Variants in FSHR observed in about 807,000 individuals in gnomAD.
The protein encoded by FSHR is follicle-stimulating hormone receptor.
Under a neutral mutation model 52.1 loss-of-function variants are expected in FSHR, and 46 were observed. The observed-to-expected ratio is 0.88, with a 90% CI of 0.70 to 1.13. The LOEUF is 1.13. Ranked by LOEUF, FSHR falls within the 50% of genes most tolerant of loss-of-function variation. The probability of loss-of-function intolerance (pLI) is 0.00; values close to 1 mark genes in which losing one functional copy is unlikely to be tolerated. For synonymous variants in FSHR, 399 were observed against 309.6 expected (o/e 1.29, Z -3.03); for missense variants, 964 against 834.6 (o/e 1.16, Z -1.91).
intron 9 of FSHR, among the ~76,000 whole-genome samples, chr2:48,967,784 G>A (rs1573018127): frequency 2.0e-5 from 3 of 152,294 alleles, no homozygotes; most frequent in African/African-American, 7.2e-5. Context: ...ACTGGTCAAT[G>A]TATGTTAAAG....
intron 1 of FSHR, among the ~76,000 whole-genome samples, chr2:49,134,367 A>G (rs1435921879): frequency 6.6e-6 from 1 of 152,252 alleles, no homozygotes; most frequent in Non-Finnish European, 1.5e-5. Flanking sequence ...ACAATGAGAT[A>G]CCATCTCACA....
intron 2 of FSHR, among the ~76,000 whole-genome samples, chr2:49,048,751 T>C (rs562744617): frequency 6.6e-6 from 1 of 152,314 alleles, no homozygotes; most frequent in Non-Finnish European, 1.5e-5. Flanking sequence ...GCTTAACTTC[T>C]GGAATGGTTA....
chr2:49,083,784 A>G (rs2103664312), intron 1 of FSHR, among the ~76,000 whole-genome samples: 1 of 147,248 alleles, frequency 6.8e-6, no homozygotes, highest in South Asian at 2.2e-4. Flanking sequence ...CAATTCAACA[A>G]GAAGAGCTAA....
chr2:49,083,626 C>T (rs1263604825), intron 1 of FSHR, among the ~76,000 whole-genome samples: 1 of 149,452 alleles, frequency 6.7e-6, no homozygotes, highest in African/African-American at 2.5e-5. Flanking sequence ...CACACATAGG[C>T]TCAAAATAAA....
At chr2:49,043,576 G>C (rs920681061) in intron 2 of FSHR, among the ~76,000 whole-genome samples, 15 of 152,150 alleles carry the variant, frequency 9.9e-5, no homozygotes, top group African/African-American at 3.4e-4. Flanking sequence ...GAATCTGTCT[G>C]TTCTACACTG....
At chr2:49,016,447 GCTGTCTCTCTTAGAACC>G (rs909380083) in intron 4 of FSHR, among the ~76,000 whole-genome samples, 16 of 152,136 alleles carry the variant, frequency 1.1e-4, no homozygotes, top group African/African-American at 3.1e-4. Context: ...GCAGTCTTCA[GCTGTCTCTCTTAGAACC>G]CTGGGATTAC....
At chr2:49,080,230 G>A (rs1670116830) in intron 1 of FSHR, among the ~76,000 whole-genome samples, 1 of 152,166 alleles carries the variant, frequency 6.6e-6, no homozygotes, top group South Asian at 2.1e-4. Context: ...GGAACAGTAG[G>A]ATATTTTCTA....
At chr2:49,027,808 C>A (rs1000337460) in intron 2 of FSHR, among the ~76,000 whole-genome samples, 1 of 136,320 alleles carries the variant, frequency 7.3e-6, no homozygotes. Context: ...TGAGATTGTG[C>A]GGCTGCACTC....
intron 2 of FSHR, among the ~76,000 whole-genome samples, chr2:49,020,653 A>G (rs1476675859): frequency 1.3e-5 from 2 of 152,186 alleles, no homozygotes; most frequent in African/African-American, 2.4e-5. Context: ...GTGTTCCAAT[A>G]AAACTTTATT....
intron 1 of FSHR, among the ~76,000 whole-genome samples, chr2:49,135,043 T>G (rs940438538): frequency 1.4e-4 from 21 of 152,142 alleles, no homozygotes; most frequent in Non-Finnish European, 2.6e-4. Flanking sequence ...TGTGCACATG[T>G]ACCCTAAACT....
chr2:49,084,621 GAGA>G (rs1021441473), intron 1 of FSHR, among the ~76,000 whole-genome samples: 2 of 152,154 alleles, frequency 1.3e-5, no homozygotes. Flanking sequence ...GAAAAAAAGA[GAGA>G]AGAATTCAGT....
At chr2:49,119,163 A>G (rs1384554884) in intron 1 of FSHR, among the ~76,000 whole-genome samples, 1 of 152,178 alleles carries the variant, frequency 6.6e-6, no homozygotes, top group African/African-American at 2.4e-5. Flanking sequence ...AGATCCTTTA[A>G]GAATGAAGAC....
chr2:49,090,328 A>G (rs1289124338), intron 1 of FSHR, among the ~76,000 whole-genome samples: 1 of 152,286 alleles, frequency 6.6e-6, no homozygotes, highest in African/African-American at 2.4e-5. Context: ...CTCTGTTACT[A>G]TAACTTTGTC....
Position 49,116,076 on chromosome 2 carries a change from T to C in FSHR, c.152+38190A>G, listed in dbSNP as rs1365798829. Among the ~76,000 whole-genome samples the C allele has an allele frequency of 2.6e-5, 4 of 152,084 alleles. No individual in the cohort carries two copies. In the East Asian group the frequency reaches 7.7e-4, roughly 29 times the overall value. On this transcript the variant is annotated intron_variant, in intron 1 of 9. Transcript: ENST00000406846. Reference sequence around the variant, plus strand: ...TAAGCAAACCTGCAAGTAAGCAAGATCTTGGCATTTTTTTTAGTAATTGTA... The same window carrying C: ...TAAGCAAACCTGCAAGTAAGCAAGACCTTGGCATTTTTTTTAGTAATTGTA...
At chr2:49,111,338 ATTC>A (rs1295280492) in intron 1 of FSHR, among the ~76,000 whole-genome samples, 3 of 152,086 alleles carry the variant, frequency 2.0e-5, no homozygotes, top group African/African-American at 7.2e-5. Context: ...TCCACTGTCC[ATTC>A]TTCTCCCCAG....
At chr2:49,100,574 T>G (rs556271371) in intron 1 of FSHR, among the ~76,000 whole-genome samples, 1 of 152,174 alleles carries the variant, frequency 6.6e-6, no homozygotes, top group East Asian at 1.9e-4. Context: ...CCTACCTGGA[T>G]GAGATGCATG....
intron 6 of FSHR, among the ~76,000 whole-genome samples, chr2:48,986,830 C>G (rs1675537179): frequency 6.6e-6 from 1 of 152,186 alleles, no homozygotes; most frequent in Admixed American, 6.5e-5. Flanking sequence ...GCTTTGCCTT[C>G]TGTCTTACGG....
chr2:49,154,486 T>C lies in FSHR; in HGVS notation c.-69A>G. ...AAAAACCTCCACAGATCTCAGAAGCTCCACACAGTGCCCTTATGAGAAGAG... is the reference window on the plus strand; with the variant it reads ...AAAAACCTCCACAGATCTCAGAAGCCCCACACAGTGCCCTTATGAGAAGAG... On this transcript the variant is annotated 5_prime_UTR_variant, in exon 1 of 10. Coordinates refer to ENST00000406846, the MANE Select transcript of FSHR (RefSeq NM_000145.4). 1 of 1,512,906 alleles carries C rather than the reference T, an allele frequency of 6.6e-7. No homozygotes were observed. Among genetic ancestry groups the C allele is most frequent in the Non-Finnish European group, 9.1e-7 (1 of 1,093,766 alleles). 93.7% of individuals were successfully genotyped at this position (1,512,906 alleles called of 1,614,324 possible).
chr2:48,983,992 G>C (rs564102527), intron 6 of FSHR, among the ~76,000 whole-genome samples: 1 of 152,244 alleles, frequency 6.6e-6, no homozygotes, highest in Admixed American at 6.5e-5. Flanking sequence ...CCAAGGTCAG[G>C]AGAGCTTAGC....
Sources: allele counts gnomAD v4.1 joint callset (sites outside exome capture counted in the v4.1 genomes callset), GRCh38; gene constraint gnomAD v4.1.1; transcripts MANE v1.5; gene names NCBI Gene and HGNC (gene_info 2026-07-23, HGNC 2026-07-21).